DIAPH3: variants seen among roughly 807,000 people sequenced by gnomAD.
DIAPH3 encodes the protein protein diaphanous homolog 3.
DIAPH3 carries 117 observed loss-of-function variants against 144.3 expected under a neutral mutation model. The observed-to-expected ratio is 0.81, with a 90% CI of 0.70 to 0.95. The LOEUF is 0.95. Ranked by LOEUF, DIAPH3 falls within the 40% of genes least tolerant of loss-of-function variation. The pLI is 0.00. For missense variants in DIAPH3, 1,421 were observed against 1,412.7 expected (o/e 1.01, Z -0.09); for synonymous variants, 519 against 488.9 (o/e 1.06, Z -0.81).
chr13:59,864,150 A>C, intron 21 of DIAPH3, among the ~76,000 whole-genome samples: 1 of 152,076 alleles, frequency 6.6e-6, no homozygotes, highest in East Asian at 1.9e-4. Context: ...TTCTGTTTTT[A>C]CATATAGACT....
At chr13:60,127,057 C>G (rs928604893) in intron 2 of DIAPH3, among the ~76,000 whole-genome samples, 8 of 151,722 alleles carry the variant, frequency 5.3e-5, no homozygotes, top group African/African-American at 1.9e-4. Flanking sequence ...AAAACAAAAG[C>G]TAGTTTTTCA....
intron 12 of DIAPH3, among the ~76,000 whole-genome samples, chr13:59,990,894 T>C (rs1316318594): frequency 6.6e-6 from 1 of 151,988 alleles, no homozygotes; most frequent in Non-Finnish European, 1.5e-5. Context: ...TGTCACATGA[T>C]AAACTAGTAA....
At chr13:59,885,671 C>T (rs79925789) in intron 20 of DIAPH3, among the ~76,000 whole-genome samples, 2,598 of 152,056 alleles carry the variant, frequency 0.017, 66 homozygotes, top group East Asian at 0.099. Context: ...CTAACCTCTG[C>T]TACCTTGAAT....
At chr13:59,956,309 G>A (rs1250127438) in intron 17 of DIAPH3, among the ~76,000 whole-genome samples, 2 of 152,174 alleles carry the variant, frequency 1.3e-5, no homozygotes, top group African/African-American at 2.4e-5. Flanking sequence ...AAATGATTTC[G>A]TAGGCGGGCC....
Position 60,054,602 on chromosome 13 carries a change from T to C in DIAPH3, c.496-11782A>G, listed in dbSNP as rs564827880. On this transcript the variant is annotated intron_variant, in intron 4 of 27. Coordinates refer to ENST00000400324, the MANE Select transcript of DIAPH3 (RefSeq NM_001042517.2). ...AGACTTGTGAAGAAGAATGAGATGATATGAAATGTCAAGACTATTTAAAGA... is the reference window on the plus strand; with the variant it reads ...AGACTTGTGAAGAAGAATGAGATGACATGAAATGTCAAGACTATTTAAAGA... 2.5e-4 allele frequency among the ~76,000 whole-genome samples: 38 copies of C among 152,070 alleles called. 1 individual carries two copies. In the South Asian group the frequency reaches 5.2e-3, roughly 21 times the overall value.
At chr13:59,675,580 T>C (rs2032605962) in intron 27 of DIAPH3, among the ~76,000 whole-genome samples, 1 of 152,120 alleles carries the variant, frequency 6.6e-6, no homozygotes, top group African/African-American at 2.4e-5. Flanking sequence ...GAGATGTGGT[T>C]TCACCGTGTT....
chr13:60,112,278 C>A (rs998927869), intron 2 of DIAPH3, 92 bp from the exon 3 acceptor site: 4 of 1,416,044 alleles, frequency 2.8e-6, no homozygotes, highest in Middle Eastern at 2.2e-4. Flanking sequence ...GAGGGCCAAT[C>A]GTGTTATCAT....
chr13:59,833,613 A>T (rs76188925), intron 23 of DIAPH3, among the ~76,000 whole-genome samples: 2 of 151,912 alleles, frequency 1.3e-5, no homozygotes, highest in East Asian at 3.9e-4. Context: ...GTTGCAGCTG[A>T]ATAATTGCAA....
At chr13:59,742,845 TGACTC>T (rs1334385483) in intron 27 of DIAPH3, among the ~76,000 whole-genome samples, 1 of 152,208 alleles carries the variant, frequency 6.6e-6, no homozygotes, top group African/African-American at 2.4e-5. Flanking sequence ...TAAGTTGACA[TGACTC>T]AACAGAAATA....
chr13:59,811,763 G>A (rs1455965693), intron 24 of DIAPH3, among the ~76,000 whole-genome samples: 2 of 145,978 alleles, frequency 1.4e-5, no homozygotes, highest in Non-Finnish European at 3.0e-5. Flanking sequence ...AAAAAGAAAT[G>A]TTTGTCATTT....
At chr13:59,970,815 C>G (rs781059180) in intron 16 of DIAPH3, 37 bp downstream of exon 16, 1 of 1,571,250 alleles carries the variant, frequency 6.4e-7, no homozygotes, top group East Asian at 2.3e-5. Context: ...AGATTTAGAT[C>G]TAAGTAAAAG....
intron 15 of DIAPH3, among the ~76,000 whole-genome samples, chr13:59,972,519 GA>G (rs779766316): frequency 2.6e-5 from 4 of 152,032 alleles, no homozygotes; most frequent in Admixed American, 6.6e-5. Context: ...ATAAAAGCTC[GA>G]AATCAATGAC....
intron 20 of DIAPH3, among the ~76,000 whole-genome samples, chr13:59,887,037 T>C (rs1034657952): frequency 1.3e-5 from 2 of 152,084 alleles, no homozygotes; most frequent in African/African-American, 2.4e-5. Context: ...AGGTTTCTCA[T>C]GGATGTCCTT....
In DIAPH3 at chr13:59,992,145, A is replaced by G; in HGVS notation, c.1167T>C (p.Leu389=). ...CTTCTTTATGCTCATCAAAGACTTT[A>G]AGTTGGATATCCAGGCCATCATTCT... ...CIKNDGLDIQ[L]KVFDEHKEED... is the part of the protein sequence containing the mutation. The change falls in exon 11 of 28, where the codon CTT becomes CTC. Residue 389 remains leucine (L), a synonymous_variant. Coordinates refer to ENST00000400324, the MANE Select transcript of DIAPH3 (RefSeq NM_001042517.2). 3 of 1,611,918 alleles carry G rather than the reference A, an allele frequency of 1.9e-6. No individual in the cohort carries two copies. Among genetic ancestry groups the G allele is most frequent in the Non-Finnish European group, 2.5e-6 (3 of 1,178,732 alleles).
intron 27 of DIAPH3, among the ~76,000 whole-genome samples, chr13:59,739,386 T>C (rs116003611): frequency 6.0e-4 from 92 of 152,310 alleles, no homozygotes; most frequent in African/African-American, 2.2e-3. Context: ...TGTGAGCTGA[T>C]GCCTTAACTC....
intron 17 of DIAPH3, among the ~76,000 whole-genome samples, chr13:59,957,491 C>T (rs2140476032): frequency 6.6e-6 from 1 of 152,294 alleles, no homozygotes; most frequent in African/African-American, 2.4e-5. Flanking sequence ...CCATGTGGAA[C>T]TCTGAGGCCA....
chr13:59,731,032 T>A (rs932713758), intron 27 of DIAPH3, among the ~76,000 whole-genome samples: 14 of 152,272 alleles, frequency 9.2e-5, no homozygotes, highest in African/African-American at 3.1e-4. Context: ...TCTAAAAAGC[T>A]CAGATCTTTC....
intron 24 of DIAPH3, among the ~76,000 whole-genome samples, chr13:59,817,354 A>G (rs908559096): frequency 5.9e-5 from 9 of 151,882 alleles, no homozygotes; most frequent in African/African-American, 1.9e-4. Context: ...AATTTTTACA[A>G]TGTCATTTTG....
intron 17 of DIAPH3, among the ~76,000 whole-genome samples, chr13:59,962,093 G>GA (rs543672218): frequency 5.3e-5 from 8 of 151,914 alleles, no homozygotes; most frequent in Admixed American, 3.3e-4. Context: ...TTAAAAAAAA[G>GA]AAAAAAAGGC....
Sources: allele counts gnomAD v4.1 joint callset (sites outside exome capture counted in the v4.1 genomes callset), GRCh38; gene constraint gnomAD v4.1.1; transcripts MANE v1.5; gene names NCBI Gene and HGNC (gene_info 2026-07-23, HGNC 2026-07-21).